Variants in SAMD3 observed in about 807,000 individuals in gnomAD.
The protein encoded by SAMD3 is sterile alpha motif domain containing 3.
SAMD3 carries 63 observed loss-of-function variants against 58.5 expected under a neutral mutation model. That is an observed-to-expected ratio of 1.08 (90% CI 0.88 to 1.33). The LOEUF is 1.33. Among genes scored for constraint, SAMD3 ranks in the 40% most tolerant of loss-of-function variants. The pLI is 0.00. For synonymous variants in SAMD3, 220 were observed against 210.3 expected, an observed-to-expected ratio of 1.05 and a Z score of -0.40; for missense variants, 604 against 608.4, an observed-to-expected ratio of 0.99 and a Z score of 0.08.
At chr6:130,361,948 T>C (rs1214655678) in intron 1 of SAMD3, among the ~76,000 whole-genome samples, 1 of 152,246 alleles carries the variant, frequency 6.6e-6, no homozygotes, top group Non-Finnish European at 1.5e-5. Context: ...CATGTTAAAA[T>C]TATTGGCAGT....
At chr6:130,177,613 G>T (rs777704074) in intron 7 of SAMD3, among the ~76,000 whole-genome samples, 2 of 152,214 alleles carry the variant, frequency 1.3e-5, no homozygotes, top group East Asian at 3.9e-4. Context: ...GCTTGGTGTT[G>T]GATCTCTCCT....
downstream of SAMD3, chr6:130,144,269 A>AACTT (rs1240194284): frequency 6.4e-6 from 3 of 470,206 alleles, no homozygotes; most frequent in Admixed American, 4.0e-5. Context: ...CTGAAAATAT[A>AACTT]ACTTAACTGC....
At chr6:130,149,416 T>A (rs1021764589) in intron 9 of SAMD3, among the ~76,000 whole-genome samples, 8 of 152,192 alleles carry the variant, frequency 5.3e-5, no homozygotes, top group African/African-American at 1.9e-4. Flanking sequence ...CATGCACACA[T>A]ATATTCATTG....
chr6:130,263,630 G>A (rs903957878), intron 2 of SAMD3, among the ~76,000 whole-genome samples: 8 of 152,240 alleles, frequency 5.3e-5, no homozygotes, highest in South Asian at 2.1e-4. Context: ...TTCTTTCCTC[G>A]TTCTATTGCT....
upstream of SAMD3, among the ~76,000 whole-genome samples, chr6:130,223,873 T>C (rs565310447): frequency 4.6e-5 from 7 of 152,246 alleles, no homozygotes; most frequent in South Asian, 1.4e-3. Context: ...CATCCGCAGG[T>C]GGCTTGTGTT....
At chr6:130,174,303 G>T (rs905244048) in intron 8 of SAMD3, among the ~76,000 whole-genome samples, 1 of 152,192 alleles carries the variant, frequency 6.6e-6, no homozygotes, top group Non-Finnish European at 1.5e-5. Context: ...GGCCCTGGTG[G>T]TGTAGGCATA....
At chr6:130,270,016 T>C (rs746009742) in intron 2 of SAMD3, among the ~76,000 whole-genome samples, 2 of 152,150 alleles carry the variant, frequency 1.3e-5, no homozygotes, top group Non-Finnish European at 2.9e-5. Context: ...TTAATTTCAT[T>C]GTGGTCAGAA....
At chr6:130,351,470 G>A (rs1356356538) in intron 1 of SAMD3, among the ~76,000 whole-genome samples, 1 of 152,236 alleles carries the variant, frequency 6.6e-6, no homozygotes, top group South Asian at 2.1e-4. Context: ...AAAGACACAC[G>A]AAAAAATGCT....
chr6:130,339,204 G>A (rs1281282056), intron 1 of SAMD3, among the ~76,000 whole-genome samples: 3 of 151,930 alleles, frequency 2.0e-5, no homozygotes, highest in Non-Finnish European at 2.9e-5. Context: ...CTGCCACCAC[G>A]CCCGGCTAAT....
At chr6:130,251,312 A>T (rs1177440395) in intron 2 of SAMD3, among the ~76,000 whole-genome samples, 1 of 152,172 alleles carries the variant, frequency 6.6e-6, no homozygotes, top group Non-Finnish European at 1.5e-5. Flanking sequence ...AGTTATTTAT[A>T]CATTCTTGAT....
chr6:130,345,657 C>G (rs1183580785), intron 1 of SAMD3, among the ~76,000 whole-genome samples: 1 of 151,424 alleles, frequency 6.6e-6, no homozygotes, highest in Non-Finnish European at 1.5e-5. Flanking sequence ...TATGGCAGGC[C>G]CTTGGCACCT....
chr6:130,176,291 C>T (rs182486891), intron 7 of SAMD3: 27 of 364,358 alleles, frequency 7.4e-5, no homozygotes, highest in Non-Finnish European at 3.5e-5. Context: ...TATATTGGTT[C>T]TTGAACCTGG....
chr6:130,162,163 T>G, intron 8 of SAMD3: 1 of 664,384 alleles, frequency 1.5e-6, no homozygotes, highest in Non-Finnish European at 2.7e-6. Context: ...ACACCAGTTT[T>G]GGCAACATAG....
chr6:130,319,950 T>C (rs1776528573), intron 1 of SAMD3, among the ~76,000 whole-genome samples: 1 of 151,592 alleles, frequency 6.6e-6, no homozygotes, highest in Admixed American at 6.6e-5. Flanking sequence ...AGCAGATCAA[T>C]AAAAAGTTTC....
chr6:130,252,135 C>T (rs76406830), intron 2 of SAMD3, among the ~76,000 whole-genome samples: 9,138 of 152,078 alleles, frequency 0.06, 435 homozygotes, highest in African/African-American at 0.13. Context: ...TTGACCCTTT[C>T]ATTATAAAAT....
chr6:130,353,659 C>T (rs1002083248), intron 1 of SAMD3, among the ~76,000 whole-genome samples: 17 of 152,078 alleles, frequency 1.1e-4, no homozygotes, highest in Non-Finnish European at 2.2e-4. Context: ...TTGACTTCTA[C>T]ATCAGCCATC....
chr6:130,250,531 A>G (rs535180805), intron 2 of SAMD3, among the ~76,000 whole-genome samples: 19 of 152,274 alleles, frequency 1.2e-4, no homozygotes, highest in African/African-American at 4.3e-4. Flanking sequence ...ATTTAAGACT[A>G]GTTATATTAC....
At chr6:130,348,616 C>T (rs1777541487) in intron 1 of SAMD3, among the ~76,000 whole-genome samples, 1 of 152,148 alleles carries the variant, frequency 6.6e-6, no homozygotes, top group Admixed American at 6.5e-5. Context: ...TAGACTCCCA[C>T]ACAATAATAA....
intron 9 of SAMD3, among the ~76,000 whole-genome samples, chr6:130,154,595 G>A (rs1330395515): frequency 6.6e-6 from 1 of 151,188 alleles, no homozygotes; most frequent in Non-Finnish European, 1.5e-5. Context: ...TCAGGAGGCT[G>A]AGGCAGGAGA....
Sources: allele counts gnomAD v4.1 joint callset (sites outside exome capture counted in the v4.1 genomes callset), GRCh38; gene constraint gnomAD v4.1.1; transcripts MANE v1.5; gene names NCBI Gene and HGNC (gene_info 2026-07-23, HGNC 2026-07-21).